The following SPATA13 variants were observed in gnomAD, a reference collection of about 807,000 sequenced individuals.
SPATA13 encodes spermatogenesis associated 13.
A neutral mutation model predicts 104.0 loss-of-function variants in SPATA13; 50 were observed. The observed-to-expected ratio is 0.48, with a 90% confidence interval of 0.38 to 0.61. The LOEUF (loss-of-function observed/expected upper bound fraction) is 0.61. Ranked by LOEUF, SPATA13 falls within the 20% of genes least tolerant of loss-of-function variation. The pLI, the probability that SPATA13 is intolerant of heterozygous loss-of-function variation, is 0.00. For missense variants in SPATA13, 1,524 were observed against 1,690.6 expected (o/e 0.90, Z 1.73); for synonymous variants, 606 against 667.5 (o/e 0.91, Z 1.42).
rs147570510 is a variant in SPATA13, at chr13:24,230,974, C to T, written c.1653+6392C>T. Among the ~76,000 whole-genome samples, 100 of 152,218 alleles carry T rather than the reference C, an allele frequency of 6.6e-4. 1 individual carries two copies. The highest frequency in any genetic ancestry group is 2.0e-3 in the African/African-American group (83 of 41,536). On this transcript the variant is annotated intron_variant, in intron 2 of 12. Transcript: ENST00000382108. The stretch of plus-strand genomic sequence containing the variant: ...TCTAATTTGCATAACATCAACTCAC[C>T]GGTTGTAGGTATGCAGTTTGATGAT...
chr13:24,096,494 G>A (rs1880091119), intron 3 of SPATA13, among the ~76,000 whole-genome samples: 4 of 152,152 alleles, frequency 2.6e-5, no homozygotes, highest in Admixed American at 1.3e-4. Flanking sequence ...AGCTACTCGG[G>A]AGGCTGAGGC....
At chr13:24,152,700 C>T (rs1882132531) in intron 3 of SPATA13, among the ~76,000 whole-genome samples, 2 of 152,180 alleles carry the variant, frequency 1.3e-5, no homozygotes, top group South Asian at 4.1e-4. Flanking sequence ...CTCACCATCA[C>T]CCGTTCTTCA....
intron 2 of SPATA13, among the ~76,000 whole-genome samples, chr13:24,235,672 G>A (rs1418881682): frequency 6.6e-6 from 1 of 152,222 alleles, no homozygotes; most frequent in Non-Finnish European, 1.5e-5. Context: ...TGGGAGGATT[G>A]CTGGAGCCTA....
chr13:24,189,449 G>A (rs1869370142), intron 1 of SPATA13, among the ~76,000 whole-genome samples: 1 of 144,194 alleles, frequency 6.9e-6, no homozygotes, highest in African/African-American at 2.6e-5. Flanking sequence ...ACTCCAGCCT[G>A]GGTGACAGAG....
chr13:24,279,785 T>TC (rs1593491887), intron 4 of SPATA13, among the ~76,000 whole-genome samples: 1 of 152,296 alleles, frequency 6.6e-6, no homozygotes, highest in East Asian at 1.9e-4. Context: ...GCAAGGACAT[T>TC]CACCCAGGAA....
At position 24,290,975 on chromosome 13, in the gene SPATA13, A is replaced by G. The variant is rs1326484696; in HGVS notation, c.3080+91A>G. 7 of 1,028,146 alleles carry G rather than the reference A, an allele frequency of 6.8e-6. No homozygotes were observed. In the East Asian group the frequency reaches 1.3e-4, roughly 19 times the overall value. The allele number at this position is 1,028,146 out of a possible 1,614,324, so 63.7% of individuals were successfully genotyped here. On this transcript the variant is annotated intron_variant, in intron 9 of 12. Coordinates refer to ENST00000382108, the MANE Select transcript of SPATA13 (RefSeq NM_001166271.3). ...CTCCAGGCAGTGATAGGTGGGCTTC[A>G]GTGTCAGCCTTAACACTTTGGGAGC...
At chr13:24,018,163 G>C (rs542816448) in intron 3 of SPATA13, among the ~76,000 whole-genome samples, 29 of 152,266 alleles carry the variant, frequency 1.9e-4, no homozygotes, top group African/African-American at 6.3e-4. Flanking sequence ...GGTTTTGTAT[G>C]TTTGTTACTG....
chr13:24,271,483 T>C lies in SPATA13; in HGVS notation c.2165-12652T>C, dbSNP rs17080580. 6.3e-3 allele frequency among the ~76,000 whole-genome samples: 965 copies of C among 152,368 alleles called. 57 individuals carry two copies. In the South Asian group the frequency reaches 0.13, roughly 21 times the overall value. On this transcript the variant is annotated intron_variant, in intron 4 of 12. Coordinates refer to ENST00000382108, the MANE Select transcript of SPATA13 (RefSeq NM_001166271.3). Reference sequence around the variant, plus strand: ...AGTATTTGCTTACTGCTTTGTGCCTTATCTCCCGCTTTCTTTTTAGTATTT... The same window carrying C: ...AGTATTTGCTTACTGCTTTGTGCCTCATCTCCCGCTTTCTTTTTAGTATTT...
intron 3 of SPATA13, among the ~76,000 whole-genome samples, chr13:24,109,882 G>A (rs904646034): frequency 6.6e-6 from 1 of 151,746 alleles, no homozygotes; most frequent in African/African-American, 2.4e-5. Context: ...TATATTTCTA[G>A]AAGTGAAATT....
intron 2 of SPATA13, among the ~76,000 whole-genome samples, chr13:23,986,999 A>ATC (rs1875176666): frequency 1.6e-5 from 1 of 64,434 alleles, no homozygotes; most frequent in Non-Finnish European, 3.2e-5. Context: ...GAATGGATAT[A>ATC]TCTGTGTGTG....
chr13:24,086,216 G>T (rs1001342116), intron 3 of SPATA13, among the ~76,000 whole-genome samples: 1 of 152,230 alleles, frequency 6.6e-6, no homozygotes, highest in Non-Finnish European at 1.5e-5. Flanking sequence ...TTGAATTTCA[G>T]ATAAACAACA....
Position 24,223,177 on chromosome 13 carries a change from C to G in SPATA13, c.248C>G (p.Thr83Arg). 1 of 1,551,696 alleles carries G rather than the reference C, an allele frequency of 6.4e-7. No homozygotes were observed. The highest frequency in any genetic ancestry group is 1.2e-5 in the South Asian group (1 of 84,066). Residue 83 changes from threonine to arginine, a missense_variant, in exon 2 of 13, where the codon ACG (threonine) becomes AGG (arginine). By Grantham distance (71) the Thr-to-Arg change is moderately conservative (BLOSUM62 -1). This residue lies in a region of SPATA13 where 1,089 missense variants were observed against 1,135.9 expected (regional missense o/e 0.96). Coordinates refer to ENST00000382108, the MANE Select transcript of SPATA13 (RefSeq NM_001166271.3). ...CTCTTTTCCACCAGTCGGAAGAGGA[C>G]GGGTGCCCACCCCGAGCGGCCCCAC... The part of the protein sequence containing the change: ...VRLFSTSRKR[T>R]GAHPERPHSM...
chr13:23,986,462 T>A (rs1233448852), intron 2 of SPATA13, among the ~76,000 whole-genome samples: 1 of 152,170 alleles, frequency 6.6e-6, no homozygotes, highest in Non-Finnish European at 1.5e-5. Flanking sequence ...TCCCTTCTGC[T>A]CCTTCTAAAA....
intron 1 of SPATA13, among the ~76,000 whole-genome samples, chr13:23,981,069 T>C (rs1874870234): frequency 6.6e-6 from 1 of 152,158 alleles, no homozygotes. Context: ...AAGAAAAATA[T>C]ATAAAGCCGG....
Position 24,303,009 on chromosome 13 carries a change from A to T in SPATA13, c.*236A>T. 8 of 573,404 alleles carry T rather than the reference A, an allele frequency of 1.4e-5. No individual in the cohort carries two copies. The South Asian group carries it at 1.6e-4, about 12-fold the overall frequency. 35.5% of individuals were successfully genotyped at this position (573,404 alleles called of 1,614,324 possible). ...TTTATCCTACACAGAAACACCCGTG[A>T]CCCACTATGAGATGGCCCAGATGTG... On this transcript the variant is annotated 3_prime_UTR_variant, in exon 13 of 13. Coordinates refer to ENST00000382108, the MANE Select transcript of SPATA13 (RefSeq NM_001166271.3).
At chr13:24,006,333 A>G (rs1876227164) in intron 2 of SPATA13, among the ~76,000 whole-genome samples, 2 of 152,216 alleles carry the variant, frequency 1.3e-5, no homozygotes, top group African/African-American at 4.8e-5. Flanking sequence ...CCTTCGTGGC[A>G]CCTCAAGCAT....
rs566320916 is a variant in SPATA13, at chr13:24,084,477, A to C, written c.-112+66776A>C. On this transcript the variant is annotated intron_variant, in intron 3 of 14. Transcript: ENST00000424834. ...CACTTTTTGCACCCTGACTCACTTC[A>C]GCCCTCTTAGCACCACCTGGGTTTC... Among the ~76,000 whole-genome samples, 11 of 152,324 alleles carry C rather than the reference A, an allele frequency of 7.2e-5. 1 individual carries two copies. In the South Asian group the frequency reaches 2.3e-3, roughly 32 times the overall value.
At chr13:24,132,494 C>T (rs1367886832) in intron 3 of SPATA13, among the ~76,000 whole-genome samples, 1 of 152,172 alleles carries the variant, frequency 6.6e-6, no homozygotes, top group Non-Finnish European at 1.5e-5. Context: ...CACCTAGGAC[C>T]CCAAGCCTCA....
intron 2 of SPATA13, among the ~76,000 whole-genome samples, chr13:23,993,152 C>T (rs1309595884): frequency 6.6e-6 from 1 of 151,572 alleles, no homozygotes; most frequent in Admixed American, 6.6e-5. Context: ...TGGCGAAGGT[C>T]GTGGACAGAG....
Sources: gnomAD v4.1 joint callset for allele counts (sites outside exome capture counted in the v4.1 genomes callset) on GRCh38, gnomAD v4.1.1 for gene constraint, gnomAD v4.1.1 regional missense constraint, MANE v1.5 for transcripts, NCBI Gene and HGNC (gene_info 2026-07-23, HGNC 2026-07-21) for gene names.